RBFOX1: variants seen among roughly 807,000 people sequenced by gnomAD.
RBFOX1 encodes the protein RNA binding protein fox-1 homolog 1.
Under a neutral mutation model 57.7 loss-of-function variants are expected in RBFOX1, and 8 were observed. The observed-to-expected ratio is 0.14, with a 90% confidence interval of 0.08 to 0.25. The LOEUF (loss-of-function observed/expected upper bound fraction) is 0.25, where lower values mean the gene tolerates loss of function less well. RBFOX1 is among the 10% of genes least tolerant of loss of function. RBFOX1 has a pLI of 1.00. For synonymous variants in RBFOX1, 326 were observed against 222.4 expected (o/e 1.47, Z -4.15); for missense variants, 611 against 548.5 (o/e 1.11, Z -1.14).
chr16:7,211,805 C>T (rs1377474472), intron 4 of RBFOX1, among the ~76,000 whole-genome samples: 1 of 152,190 alleles, frequency 6.6e-6, no homozygotes, highest in Non-Finnish European at 1.5e-5. Context: ...TGAGCTTTCA[C>T]ATCTTCCTCT....
chr16:7,453,952 G>T (rs1437553365), intron 4 of RBFOX1, among the ~76,000 whole-genome samples: 1 of 152,212 alleles, frequency 6.6e-6, no homozygotes, highest in Non-Finnish European at 1.5e-5. Flanking sequence ...GCCATAGCCA[G>T]CTGGGCACAA....
chr16:6,096,077 C>G (rs145601501), intron 1 of RBFOX1, among the ~76,000 whole-genome samples: 2 of 152,332 alleles, frequency 1.3e-5, no homozygotes, highest in African/African-American at 4.8e-5. Context: ...GCCTTTGACT[C>G]CGTGTTGCCA....
chr16:5,700,877 G>T (rs899485033), intron 3 of RBFOX1, among the ~76,000 whole-genome samples: 5 of 152,180 alleles, frequency 3.3e-5, no homozygotes. Context: ...TAGGTCACAT[G>T]TCCACTCCAG....
chr16:7,544,473 A>G (rs183267045), intron 5 of RBFOX1, among the ~76,000 whole-genome samples: 3 of 152,324 alleles, frequency 2.0e-5, no homozygotes, highest in Middle Eastern at 3.4e-3. Context: ...CCTGAATTCA[A>G]TGAGTGTTGT....
At chr16:7,653,754 C>A in intron 11 of RBFOX1, 61 bp from the exon 12 acceptor site, 3 of 1,598,450 alleles carry the variant, frequency 1.9e-6, no homozygotes, top group Non-Finnish European at 2.5e-6. Flanking sequence ...CAGTTCCCTC[C>A]ACAGCAGGGT....
chr16:7,710,226 C>T (rs2148620354), intron 15 of RBFOX1: 2 of 1,048,900 alleles, frequency 1.9e-6, no homozygotes, highest in Admixed American at 5.7e-5. Flanking sequence ...CTGCATTCAA[C>T]AACTCTGCTT....
intron 2 of RBFOX1, among the ~76,000 whole-genome samples, chr16:6,417,339 G>A (rs1357734185): frequency 2.0e-5 from 3 of 150,128 alleles, no homozygotes; most frequent in African/African-American, 4.9e-5. Context: ...CCTTTCCATC[G>A]GCCCTCTCTA....
chr16:7,056,427 T>A (rs559369066), intron 4 of RBFOX1, among the ~76,000 whole-genome samples: 4 of 152,174 alleles, frequency 2.6e-5, no homozygotes, highest in Non-Finnish European at 5.9e-5. Flanking sequence ...ATCTGTGCAT[T>A]AACCACTCCT....
intron 1 of RBFOX1, among the ~76,000 whole-genome samples, chr16:6,121,622 C>G (rs913708655): frequency 6.6e-6 from 1 of 152,248 alleles, no homozygotes; most frequent in Non-Finnish European, 1.5e-5. Context: ...CCTTCTGAGG[C>G]TCAACTCAGT....
chr16:5,411,149 G>T (rs140539156), intron 1 of RBFOX1, among the ~76,000 whole-genome samples: 1 of 152,172 alleles, frequency 6.6e-6, no homozygotes, highest in Non-Finnish European at 1.5e-5. Flanking sequence ...GGCAGACTGT[G>T]GTGGGAAGAA....
chr16:5,763,317 C>G (rs1445295574), intron 3 of RBFOX1, among the ~76,000 whole-genome samples: 1 of 152,212 alleles, frequency 6.6e-6, no homozygotes, highest in East Asian at 1.9e-4. Flanking sequence ...CAAGAGCGCT[C>G]CTTTGTTCAT....
intron 3 of RBFOX1, among the ~76,000 whole-genome samples, chr16:6,797,823 A>G (rs1486381373): frequency 1.3e-5 from 2 of 152,194 alleles, no homozygotes; most frequent in Admixed American, 6.5e-5. Flanking sequence ...TATGTCTGCA[A>G]TCATGAGCTC....
intron 1 of RBFOX1, among the ~76,000 whole-genome samples, chr16:6,242,727 G>C (rs1442127766): frequency 6.6e-6 from 1 of 150,702 alleles, no homozygotes; most frequent in Admixed American, 6.6e-5. Flanking sequence ...TCTTTTTATA[G>C]CCTGTGAAAC....
chr16:5,709,225 A>G (rs2051362408), intron 3 of RBFOX1, among the ~76,000 whole-genome samples: 2 of 152,182 alleles, frequency 1.3e-5, no homozygotes, highest in Non-Finnish European at 2.9e-5. Flanking sequence ...GCTTTGTGTA[A>G]TCAGTGCCAT....
intron 3 of RBFOX1, among the ~76,000 whole-genome samples, chr16:6,903,429 C>T (rs867721262): frequency 5.9e-5 from 9 of 152,154 alleles, no homozygotes; most frequent in South Asian, 4.1e-4. Context: ...ACGAAAGATC[C>T]GTGAAGTCTG....
intron 3 of RBFOX1, among the ~76,000 whole-genome samples, chr16:6,756,451 C>G (rs954533232): frequency 6.6e-6 from 1 of 152,028 alleles, no homozygotes; most frequent in Non-Finnish European, 1.5e-5. Flanking sequence ...GCAACAGAAA[C>G]AAAATATACA....
At chr16:7,076,975 G>A (rs533393028) in intron 4 of RBFOX1, among the ~76,000 whole-genome samples, 57 of 152,324 alleles carry the variant, frequency 3.7e-4, no homozygotes, top group South Asian at 2.5e-3. Context: ...GAAATGTGCA[G>A]TGTTATTGGG....
chr16:7,463,361 G>C (rs2059920525), intron 4 of RBFOX1, among the ~76,000 whole-genome samples: 1 of 152,166 alleles, frequency 6.6e-6, no homozygotes, highest in African/African-American at 2.4e-5. Flanking sequence ...AAAATTAGCT[G>C]GGTGTGATTG....
At chr16:7,321,346 A>G (rs117999585) in intron 4 of RBFOX1, among the ~76,000 whole-genome samples, 49 of 152,170 alleles carry the variant, frequency 3.2e-4, no homozygotes, top group Non-Finnish European at 5.1e-4. Flanking sequence ...GGCTTTCACC[A>G]TGTTGGTCAG....
Sources: gnomAD v4.1 joint callset for allele counts (sites outside exome capture counted in the v4.1 genomes callset) on GRCh38, gnomAD v4.1.1 for gene constraint, MANE v1.5 for transcripts, NCBI Gene and HGNC (gene_info 2026-07-23, HGNC 2026-07-21) for gene names.